ERCC6L: variants seen among roughly 807,000 people sequenced by gnomAD.
ERCC6L encodes DNA excision repair protein ERCC-6-like.
In ERCC6L, 7 loss-of-function variants were observed where a neutral mutation model predicts 20.1. The ratio of observed to expected loss-of-function variants is 0.35; its 90% confidence interval spans 0.20 to 0.65. The LOEUF is 0.65. ERCC6L is among the 30% of genes least tolerant of loss of function. The pLI is 0.69. For synonymous variants in ERCC6L, 278 were observed against 331.3 expected (o/e 0.84, Z 1.75); for missense variants, 592 against 892.4 (o/e 0.66, Z 4.29).
chrX:72,214,605 G>A (rs1420437937), intron 1 of ERCC6L, among the ~76,000 whole-genome samples: 1 of 106,688 alleles, frequency 9.4e-6, no homozygotes, highest in Non-Finnish European at 1.9e-5. Context: ...CCAGGGAGGC[G>A]GAAGTTGCAG....
rs747976435 is a variant in ERCC6L, at chrX:72,205,745, C to T, written c.3022G>A (p.Asp1008Asn). The change falls in exon 2 of 2, where the codon GAT becomes AAT. Residue 1008 changes from aspartate to asparagine, a missense_variant. Coordinates refer to ENST00000334463, the MANE Select transcript of ERCC6L (RefSeq NM_017669.4). ...TTAACTACTACTTCTTCTGGTTCAT[C>T]GTCTTTCTCAGAAAACTCCCAACTG... ...CLSWEFSEKD[D>N]EPEEVVVKAK... The T allele has an allele frequency of 1.7e-6, 2 of 1,211,444 alleles. No homozygotes were observed. Among genetic ancestry groups the T allele is most frequent in the East Asian group, 3.0e-5 (1 of 33,842 alleles).
chrX:72,209,083 A>G (rs2042837594), intron 1 of ERCC6L, among the ~76,000 whole-genome samples: 1 of 111,501 alleles, frequency 9.0e-6, no homozygotes, highest in East Asian at 2.8e-4. Context: ...TCCATTTAAC[A>G]GTATTGATCA....
At chrX:72,211,010 T>C (rs900044620) in intron 1 of ERCC6L, among the ~76,000 whole-genome samples, 2 of 112,248 alleles carry the variant, frequency 1.8e-5, no homozygotes, top group Non-Finnish European at 3.8e-5. Flanking sequence ...ATGCTTTTAA[T>C]AGCACTGCCC....
At chrX:72,213,508 T>G (rs1395084785) in intron 1 of ERCC6L, among the ~76,000 whole-genome samples, 1 of 111,983 alleles carries the variant, frequency 8.9e-6, no homozygotes, top group Non-Finnish European at 1.9e-5. Context: ...TGGTCTGTGT[T>G]TGTTACGGCT....
At position 72,205,521 on chromosome X, in the gene ERCC6L, A is replaced by C. The variant is rs1251991529; in HGVS notation, c.3246T>G (p.Ser1082Arg). 1.7e-6 allele frequency: 2 copies of C among 1,209,785 alleles called. No homozygotes were observed. Among genetic ancestry groups the C allele is most frequent in the African/African-American group, 3.5e-5 (2 of 57,290 alleles). Residue 1082 changes from serine (S) to arginine (R), a missense_variant, in exon 2 of 2, where the codon AGT (serine) becomes AGG (arginine). By Grantham distance (110) the Ser-to-Arg change is moderately radical. This residue lies in a region of ERCC6L where 352 missense variants were observed against 402.6 expected (regional missense o/e 0.87). Transcript: ENST00000334463. ...GRFFSSQIPSSVNKSMNSRRS... is the reference protein window; with the variant it reads ...GRFFSSQIPSRVNKSMNSRRS... ...TTCTAGAGTTCATAGACTTATTTAC[A>C]CTACTGGGTATTTGAGATGAAAAGA...
chrX:72,218,835 GAT>G (rs1435932933), intron 1 of ERCC6L, among the ~76,000 whole-genome samples: 1 of 112,451 alleles, frequency 8.9e-6, no homozygotes, highest in African/African-American at 3.2e-5. Flanking sequence ...ATAAACACAG[GAT>G]ATCTTTCTTT....
chrX:72,210,243 AAATG>A (rs1382909074), intron 1 of ERCC6L, among the ~76,000 whole-genome samples: 11 of 106,753 alleles, frequency 1.0e-4, no homozygotes, highest in Non-Finnish European at 1.7e-4. Context: ...ATAAATAAAT[AAATG>A]GAAAAAAGAT....
chrX:72,233,721 C>CA (rs35310682), intron 1 of ERCC6L, among the ~76,000 whole-genome samples: 29,434 of 89,630 alleles, frequency 0.33, 4,292 homozygotes, highest in East Asian at 0.68. Context: ...GACTCCGTCT[C>CA]AAAAAAAAAA....
intron 1 of ERCC6L, among the ~76,000 whole-genome samples, chrX:72,226,491 T>G (rs1394311154): frequency 8.9e-6 from 1 of 112,046 alleles, no homozygotes; most frequent in Non-Finnish European, 1.9e-5. Context: ...TATAACACCA[T>G]CCATTCCAAT....
At chrX:72,236,353 C>G (rs1476879691) in intron 1 of ERCC6L, among the ~76,000 whole-genome samples, 1 of 111,218 alleles carries the variant, frequency 9.0e-6, no homozygotes, top group African/African-American at 3.3e-5. Flanking sequence ...GGCTGGAGTG[C>G]AGTGGCGCCA....
intron 1 of ERCC6L, among the ~76,000 whole-genome samples, chrX:72,217,834 A>T (rs1229654642): frequency 8.9e-6 from 1 of 112,328 alleles, no homozygotes; most frequent in Non-Finnish European, 1.9e-5. Context: ...AGAACAGTGT[A>T]GAACTCTTGC....
Position 72,208,593 on chromosome X carries a change from G to T in ERCC6L, c.174C>A (p.Ser58Arg). The change falls in exon 2 of 2, where the codon AGC (serine) becomes AGA (arginine). Residue 58 changes from serine to arginine, a missense_variant. Physicochemically the swap from Ser to Arg is moderately radical, Grantham distance 110. Coordinates refer to ENST00000334463, the MANE Select transcript of ERCC6L (RefSeq NM_017669.4). ...AGGCTTCCTGTATTTTTTGGATTCT[G>T]CTCAGCACTTTTTCATTGGGAAAAA... is the stretch of plus-strand genomic sequence containing the variant. ...KDIFPNEKVL[S>R]RIQKIQEALE... 2 of 1,211,009 alleles carry T rather than the reference G, an allele frequency of 1.7e-6. No individual in the cohort carries two copies. The highest frequency in any genetic ancestry group is 2.2e-6 in the Non-Finnish European group (2 of 895,049).
chrX:72,210,875 C>T (rs763572487), intron 1 of ERCC6L, among the ~76,000 whole-genome samples: 13 of 111,936 alleles, frequency 1.2e-4, no homozygotes, highest in Non-Finnish European at 2.4e-4. Context: ...CCCTGGTCCA[C>T]CCTAGTTAGC....
chrX:72,231,750 C>T (rs1212270497), intron 1 of ERCC6L, among the ~76,000 whole-genome samples: 3 of 110,979 alleles, frequency 2.7e-5, no homozygotes, highest in Non-Finnish European at 5.7e-5. Context: ...GACAGAGTTT[C>T]GCCATGTTGG....
intron 1 of ERCC6L, among the ~76,000 whole-genome samples, chrX:72,229,156 A>C (rs1451864839): frequency 9.0e-6 from 1 of 111,283 alleles, no homozygotes; most frequent in Non-Finnish European, 1.9e-5. Context: ...CTTTTACAAC[A>C]AGCTTCACTT....
At chrX:72,230,984 A>G (rs1480903816) in intron 1 of ERCC6L, among the ~76,000 whole-genome samples, 2 of 111,865 alleles carry the variant, frequency 1.8e-5, no homozygotes, top group African/African-American at 3.2e-5. Context: ...AAATACATAC[A>G]TAAGTATGGC....
chrX:72,206,154 T>A lies in ERCC6L; in HGVS notation c.2613A>T (p.Lys871Asn), dbSNP rs1308679803. 8.3e-7 allele frequency: 1 copy of A among 1,212,028 alleles called. No individual in the cohort carries two copies. Among genetic ancestry groups the A allele is most frequent in the African/African-American group, 1.7e-5 (1 of 57,944 alleles). Residue 871 changes from lysine to asparagine, a missense_variant, in exon 2 of 2, where the codon AAA (lysine) becomes AAT (asparagine). By Grantham distance (94) the Lys-to-Asn change is moderately conservative. Around this residue, in one of 3 missense-constraint regions of ERCC6L, gnomAD observed 352 missense variants for 402.6 expected, o/e 0.87. Transcript: ENST00000334463. ...TTGGCCCAATATCAGCTTTGGTTGA[T>A]TTGCTAAGTACATAATTAAAACTTT... The part of the protein sequence containing the change: ...PLESFNYVLS[K>N]STKADIGPNL...
At chrX:72,215,165 G>C (rs1019602296) in intron 1 of ERCC6L, among the ~76,000 whole-genome samples, 2 of 112,056 alleles carry the variant, frequency 1.8e-5, no homozygotes, top group Non-Finnish European at 3.8e-5. Flanking sequence ...CTTATATCAA[G>C]TTCTAAAATA....
chrX:72,225,143 A>G (rs188610848), intron 1 of ERCC6L, among the ~76,000 whole-genome samples: 2 of 111,757 alleles, frequency 1.8e-5, no homozygotes, highest in East Asian at 5.6e-4. Context: ...GCCATTTCTC[A>G]GTATTGGACC....
Sources: gnomAD v4.1 joint callset for allele counts (sites outside exome capture counted in the v4.1 genomes callset) on GRCh38, gnomAD v4.1.1 for gene constraint, gnomAD v4.1.1 regional missense constraint, MANE v1.5 for transcripts, NCBI Gene and HGNC (gene_info 2026-07-23, HGNC 2026-07-21) for gene names.